The following GPC5 variants were observed in gnomAD, a reference collection of about 807,000 sequenced individuals.
GPC5 encodes the protein glypican 5.
A neutral mutation model predicts 53.9 loss-of-function variants in GPC5; 47 were observed. The observed-to-expected ratio is 0.87, with a 90% confidence interval of 0.69 to 1.11. The LOEUF is 1.11. GPC5 is among the 50% of genes most tolerant of loss of function. The pLI is 0.00. For missense variants in GPC5, 748 were observed against 713.1 expected (o/e 1.05, Z -0.56); for synonymous variants, 286 against 263.3 (o/e 1.09, Z -0.84).
intron 2 of GPC5, among the ~76,000 whole-genome samples, chr13:91,666,302 T>C (rs1368858485): frequency 1.3e-5 from 2 of 152,218 alleles, no homozygotes; most frequent in East Asian, 3.8e-4. Context: ...GAACTCCAAC[T>C]TCAATACATA....
At chr13:92,243,674 T>C (rs191099964) in intron 7 of GPC5, among the ~76,000 whole-genome samples, 23 of 145,034 alleles carry the variant, frequency 1.6e-4, no homozygotes, top group African/African-American at 5.1e-4. Context: ...TAAGATATAT[T>C]TTATAGAAAT....
At chr13:91,953,395 C>T (rs1037380233) in intron 6 of GPC5, among the ~76,000 whole-genome samples, 2 of 152,102 alleles carry the variant, frequency 1.3e-5, no homozygotes, top group African/African-American at 4.8e-5. Context: ...GTGGGTTGGA[C>T]TCTATGTCAC....
chr13:91,808,413 G>A (rs1473733349), intron 5 of GPC5, among the ~76,000 whole-genome samples: 2 of 152,010 alleles, frequency 1.3e-5, no homozygotes, highest in Non-Finnish European at 2.9e-5. Flanking sequence ...CTATCTGTCT[G>A]CATCTTTGAA....
chr13:92,240,939 G>A (rs916611938), intron 7 of GPC5: 1 of 152,164 alleles, frequency 6.6e-6, no homozygotes, highest in African/African-American at 2.4e-5. Flanking sequence ...ATGGTTATTA[G>A]GTGGAATACC....
intron 5 of GPC5, among the ~76,000 whole-genome samples, chr13:91,837,722 A>G (rs553897226): frequency 2.0e-5 from 3 of 152,286 alleles, no homozygotes; most frequent in African/African-American, 7.2e-5. Flanking sequence ...GAAGTTAGAA[A>G]ATTATTATGT....
intron 7 of GPC5, among the ~76,000 whole-genome samples, chr13:92,236,917 G>T (rs1208041509): frequency 6.6e-6 from 1 of 151,182 alleles, no homozygotes; most frequent in East Asian, 1.9e-4. Context: ...CATTGACCTT[G>T]CACTGTTTGG....
chr13:91,417,801 A>C (rs1334672617), intron 1 of GPC5, among the ~76,000 whole-genome samples: 8 of 152,170 alleles, frequency 5.3e-5, no homozygotes, highest in Non-Finnish European at 1.2e-4. Context: ...AGGCATGTGT[A>C]CACAAAGGCC....
chr13:92,850,407 A>C (rs1453397753), intron 7 of GPC5, among the ~76,000 whole-genome samples: 1 of 152,054 alleles, frequency 6.6e-6, no homozygotes, highest in Non-Finnish European at 1.5e-5. Context: ...CGAGACCAGC[A>C]TGGCCAACAT....
chr13:92,266,435 C>T (rs921938327), intron 7 of GPC5, among the ~76,000 whole-genome samples: 4 of 152,090 alleles, frequency 2.6e-5, no homozygotes, highest in African/African-American at 7.2e-5. Context: ...ATTCAGACTT[C>T]CAGGATTTAA....
At chr13:92,015,480 C>T (rs2040698762) in intron 6 of GPC5, among the ~76,000 whole-genome samples, 1 of 152,064 alleles carries the variant, frequency 6.6e-6, no homozygotes, top group Admixed American at 6.6e-5. Context: ...AGGAAAACTA[C>T]ATAAAAGTAA....
At chr13:92,168,449 T>C (rs2056614364) in intron 7 of GPC5, among the ~76,000 whole-genome samples, 1 of 152,030 alleles carries the variant, frequency 6.6e-6, no homozygotes, top group South Asian at 2.1e-4. Context: ...TCTGACAAAG[T>C]TCGAATGTCC....
chr13:92,308,169 G>A (rs146528142), intron 7 of GPC5, among the ~76,000 whole-genome samples: 2 of 152,136 alleles, frequency 1.3e-5, no homozygotes, highest in Non-Finnish European at 2.9e-5. Flanking sequence ...TGTAACCTCC[G>A]GCAAAACGAT....
chr13:91,432,228 T>TGTGTGGGG (rs1555306366), intron 1 of GPC5, among the ~76,000 whole-genome samples: 6 of 150,748 alleles, frequency 4.0e-5, no homozygotes, highest in African/African-American at 1.5e-4. Flanking sequence ...TGTGTGTGTG[T>TGTGTGGGG]GTGTGTGTGT....
intron 7 of GPC5, among the ~76,000 whole-genome samples, chr13:92,408,877 A>G (rs914682994): frequency 2.0e-5 from 3 of 152,054 alleles, no homozygotes; most frequent in African/African-American, 7.2e-5. Context: ...CCTATAATAA[A>G]CAGTGTGCCA....
At chr13:92,244,866 C>T (rs182887605) in intron 7 of GPC5, among the ~76,000 whole-genome samples, 82 of 152,044 alleles carry the variant, frequency 5.4e-4, no homozygotes, top group Middle Eastern at 3.4e-3. Flanking sequence ...GGTGAAATCC[C>T]ATCTCTATTA....
chr13:91,742,919 A>T (rs1566653295), intron 4 of GPC5, among the ~76,000 whole-genome samples: 1 of 152,176 alleles, frequency 6.6e-6, no homozygotes, highest in Non-Finnish European at 1.5e-5. Flanking sequence ...TTTTATAGCC[A>T]TAGACATGGC....
rs114220595 is a variant in GPC5, at chr13:92,496,365, C to T, written c.1561+351376C>T. On this transcript the variant is annotated intron_variant, in intron 7 of 7. Transcript: ENST00000377067. Reference sequence around the variant, plus strand: ...GCTGGAATTTTAGAAACAATTTACTCGATGTTTCCAATTTGAAAAGATAAA... The same window carrying T: ...GCTGGAATTTTAGAAACAATTTACTTGATGTTTCCAATTTGAAAAGATAAA... 2.7e-3 allele frequency among the ~76,000 whole-genome samples: 408 copies of T among 152,070 alleles called. 1 individual carries two copies. The highest frequency in any genetic ancestry group is 9.5e-3 in the African/African-American group (396 of 41,482).
At chr13:91,471,038 C>G (rs1882587984) in intron 2 of GPC5, among the ~76,000 whole-genome samples, 1 of 152,042 alleles carries the variant, frequency 6.6e-6, no homozygotes, top group Non-Finnish European at 1.5e-5. Flanking sequence ...ACAAACAACC[C>G]CCCAAACAAG....
At chr13:91,931,802 C>T (rs191255828) in intron 6 of GPC5, among the ~76,000 whole-genome samples, 108 of 152,066 alleles carry the variant, frequency 7.1e-4, no homozygotes, top group African/African-American at 2.5e-3. Context: ...TGGCACTTCA[C>T]CTCAGAGTCT....
Sources: gnomAD v4.1 joint callset for allele counts (sites outside exome capture counted in the v4.1 genomes callset) on GRCh38, gnomAD v4.1.1 for gene constraint, MANE v1.5 for transcripts, NCBI Gene and HGNC (gene_info 2026-07-23, HGNC 2026-07-21) for gene names.